The following C6orf52 variants were observed in gnomAD, a reference collection of about 807,000 sequenced individuals.
C6orf52 encodes the protein chromosome 6 open reading frame 52.
Under a neutral mutation model 16.6 loss-of-function variants are expected in C6orf52, and 16 were observed. The observed-to-expected ratio is 0.96, with a 90% CI of 0.65 to 1.46. C6orf52 has a LOEUF of 1.46. Among genes scored for constraint, C6orf52 ranks in the 40% most tolerant of loss-of-function variants. The probability of loss-of-function intolerance (pLI) is 0.00; values close to 1 mark genes in which losing one functional copy is unlikely to be tolerated. For synonymous variants in C6orf52, 53 were observed against 61.4 expected (o/e 0.86, Z 0.64); for missense variants, 166 against 182.3 (o/e 0.91, Z 0.52).
At chr6:10,691,943 A>G (rs988206728) in intron 1 of C6orf52, among the ~76,000 whole-genome samples, 12 of 152,228 alleles carry the variant, frequency 7.9e-5, no homozygotes, top group Non-Finnish European at 1.5e-4. Flanking sequence ...TTGGAACAAA[A>G]GTTACTTAAG....
At chr6:10,679,700 T>G (rs1768209490) in intron 4 of C6orf52, among the ~76,000 whole-genome samples, 1 of 152,200 alleles carries the variant, frequency 6.6e-6, no homozygotes, top group South Asian at 2.1e-4. Flanking sequence ...CCTAGGAACC[T>G]TTAGTTTCTC....
At chr6:10,673,702 C>T (rs939902333) in intron 4 of C6orf52, among the ~76,000 whole-genome samples, 7 of 152,070 alleles carry the variant, frequency 4.6e-5, no homozygotes, top group Non-Finnish European at 1.5e-5. Flanking sequence ...TGGCTAAGAT[C>T]AAGTGTGATA....
At chr6:10,688,105 G>A (rs150447375) in intron 1 of C6orf52, among the ~76,000 whole-genome samples, 7 of 150,322 alleles carry the variant, frequency 4.7e-5, no homozygotes, top group South Asian at 2.1e-4. Flanking sequence ...AGAAGAACGC[G>A]CTCCCTCGCC....
chr6:10,684,544 C>G (rs754140324), intron 3 of C6orf52, among the ~76,000 whole-genome samples: 3 of 152,140 alleles, frequency 2.0e-5, no homozygotes, highest in Non-Finnish European at 4.4e-5. Flanking sequence ...CAGCTGGCTG[C>G]CTTTAAAGAA....
chr6:10,686,887 A>C, intron 3 of C6orf52, 79 bp downstream of exon 3: 2 of 1,058,708 alleles, frequency 1.9e-6, no homozygotes, highest in South Asian at 3.3e-5. Context: ...GACAGGACAC[A>C]GATGTGTGAA....
intron 4 of C6orf52, chr6:10,674,698 G>T (rs1293884670): frequency 2.0e-5 from 3 of 148,422 alleles, no homozygotes; most frequent in Non-Finnish European, 4.4e-5. Context: ...CAAGGAAAGA[G>T]TAGAACAAAA....
chr6:10,694,599 AGCAACC>A lies in C6orf52; in HGVS notation c.-123_-118del. 1.1e-5 allele frequency: 2 copies of A among 178,264 alleles called. No homozygotes were observed. The highest frequency in any genetic ancestry group is 2.4e-5 in the Non-Finnish European group (2 of 82,422). 11.0% of individuals were successfully genotyped at this position (178,264 alleles called of 1,614,324 possible). A position where few individuals can be genotyped will look rare whatever the true frequency, so the allele number is the denominator to read the frequency against. Reference sequence around the variant, plus strand: ...CACGCTGCCGGCGCTACAGCCCCTAAGCAACCGGCCGGAAGTCGGCCCCACCTCCTC... The same window carrying A: ...CACGCTGCCGGCGCTACAGCCCCTAAGGCCGGAAGTCGGCCCCACCTCCTC... On this transcript the variant is annotated 5_prime_UTR_variant, in exon 1 of 5. Transcript: ENST00000259983.
intron 4 of C6orf52, among the ~76,000 whole-genome samples, chr6:10,680,810 C>CT (rs1035224839): frequency 6.6e-6 from 1 of 151,816 alleles, no homozygotes; most frequent in Admixed American, 6.6e-5. Flanking sequence ...TGATGGGAGA[C>CT]TTTTTTTTGA....
In C6orf52 at chr6:10,671,564, G is replaced by A; in HGVS notation, c.351C>T (p.Asn117=). The change falls in exon 5 of 5, where the codon AAC becomes AAT. Residue 117 remains asparagine (N), a synonymous_variant. Transcript: ENST00000259983. ...CTTCACTTTTCACCATAAACTCTTG[G>A]TTTGATTCCTCAATATTCAAATGAA... The part of the protein sequence containing the change: ...PHLHLNIEES[N]QEFMVKSEEL... 6.5e-7 allele frequency: 1 copy of A among 1,545,580 alleles called. No homozygotes were observed. Among genetic ancestry groups the A allele is most frequent in the Non-Finnish European group, 8.7e-7 (1 of 1,143,976 alleles).
chr6:10,676,733 T>A (rs764256737), intron 4 of C6orf52, among the ~76,000 whole-genome samples: 1 of 152,226 alleles, frequency 6.6e-6, no homozygotes, highest in Non-Finnish European at 1.5e-5. Context: ...TAAAATTGCC[T>A]GCTGTCTGCT....
At position 10,677,821 on chromosome 6, in the gene C6orf52, A is replaced by C. The variant is rs1023409903; in HGVS notation, c.316+5366T>G. On this transcript the variant is annotated intron_variant, in intron 4 of 4. Transcript: ENST00000259983. The stretch of plus-strand genomic sequence containing the variant: ...AGTGCCAGGATTACAGGCATGAGAC[A>C]CTGTGCACTCGGTCATTTTTTTCTA... 5.3e-5 allele frequency among the ~76,000 whole-genome samples: 8 copies of C among 151,942 alleles called. No homozygotes were observed. The South Asian group carries it at 1.3e-3, about 24-fold the overall frequency.
chr6:10,689,571 T>A (rs1477647867), intron 1 of C6orf52, among the ~76,000 whole-genome samples: 1 of 152,192 alleles, frequency 6.6e-6, no homozygotes, highest in Non-Finnish European at 1.5e-5. Context: ...TGCAGCAAGA[T>A]GTGGCCAGGT....
chr6:10,676,890 C>T (rs1767943616), intron 4 of C6orf52, among the ~76,000 whole-genome samples: 1 of 152,236 alleles, frequency 6.6e-6, no homozygotes, highest in African/African-American at 2.4e-5. Flanking sequence ...AGACGACGAA[C>T]CCTGGGTATT....
intron 3 of C6orf52, chr6:10,685,029 C>A: frequency 3.7e-5 from 15 of 409,522 alleles, no homozygotes; most frequent in South Asian, 5.3e-5. Flanking sequence ...ACTGTGCCAA[C>A]AAAAATGGAC....
At chr6:10,687,200 T>A (rs1768930813) in intron 2 of C6orf52, 36 bp from the exon 3 acceptor site, 1 of 1,434,280 alleles carries the variant, frequency 7.0e-7, no homozygotes, top group Non-Finnish European at 9.5e-7. Context: ...CAACGCAGAA[T>A]CATCCACAAA....
chr6:10,692,109 A>T (rs1245149888), intron 1 of C6orf52, among the ~76,000 whole-genome samples: 2 of 152,356 alleles, frequency 1.3e-5, no homozygotes, highest in Middle Eastern at 3.4e-3. Flanking sequence ...GGCACCAGGG[A>T]CATTCCAGAA....
intron 1 of C6orf52, among the ~76,000 whole-genome samples, chr6:10,692,207 CAGAT>C (rs1247465724): frequency 6.6e-6 from 1 of 152,044 alleles, no homozygotes; most frequent in Non-Finnish European, 1.5e-5. Context: ...TTAAAATAAA[CAGAT>C]ATGTTGTGGA....
intron 4 of C6orf52, among the ~76,000 whole-genome samples, chr6:10,682,884 A>G (rs951568130): frequency 2.6e-5 from 4 of 152,228 alleles, no homozygotes; most frequent in South Asian, 2.1e-4. Context: ...GAATTAAAGC[A>G]TAATTCTCCT....
intron 4 of C6orf52, among the ~76,000 whole-genome samples, chr6:10,682,473 C>T (rs1279765286): frequency 6.6e-6 from 1 of 152,146 alleles, no homozygotes; most frequent in Non-Finnish European, 1.5e-5. Flanking sequence ...GTAACAGGGC[C>T]TACAAAGACT....
Sources: gnomAD v4.1 joint callset for allele counts (sites outside exome capture counted in the v4.1 genomes callset) on GRCh38, gnomAD v4.1.1 for gene constraint, MANE v1.5 for transcripts, NCBI Gene and HGNC (gene_info 2026-07-23, HGNC 2026-07-21) for gene names.